The following STK33 variants were observed in gnomAD, a reference collection of about 807,000 sequenced individuals.
STK33 encodes serine/threonine kinase 33.
A neutral mutation model predicts 58.0 loss-of-function variants in STK33; 52 were observed. The observed-to-expected ratio is 0.90, with a 90% CI of 0.72 to 1.13. STK33 has a LOEUF of 1.13. STK33 is among the 50% of genes most tolerant of loss of function. STK33 has a pLI of 0.00. For synonymous variants in STK33, 215 were observed against 200.1 expected (o/e 1.07, Z -0.63); for missense variants, 630 against 604.2 (o/e 1.04, Z -0.45).
At chr11:8,471,560 T>A (rs759630237) in intron 6 of STK33, among the ~76,000 whole-genome samples, 3 of 152,152 alleles carry the variant, frequency 2.0e-5, no homozygotes, top group Non-Finnish European at 4.4e-5. Flanking sequence ...ATAGTAGCTA[T>A]GTAAGGGTAA....
chr11:8,541,409 C>G lies in STK33; in HGVS notation c.-466+52674G>C, dbSNP rs374628958. Among the ~76,000 whole-genome samples the G allele has an allele frequency of 5.3e-5, 8 of 152,268 alleles. No homozygotes were observed. The East Asian group carries it at 9.6e-4, about 18-fold the overall frequency. ...CTATTGTCCAGGTAGACTTTCATTT[C>G]ACCCAGACCACGGTTTTATACAAAG... On this transcript the variant is annotated intron_variant, in intron 1 of 15. Transcript: ENST00000687296.
the STK33 span, among the ~76,000 whole-genome samples, chr11:8,377,595 A>G: frequency 1.3e-5 from 2 of 152,218 alleles, no homozygotes; most frequent in African/African-American, 4.8e-5. Context: ...ACTTCTATTC[A>G]ATATAGTACT....
the STK33 span, among the ~76,000 whole-genome samples, chr11:8,342,094 A>G: frequency 6.6e-6 from 1 of 152,194 alleles, no homozygotes; most frequent in Admixed American, 6.5e-5. Context: ...CAGTCAGTCC[A>G]CGGAGGCGAT....
chr11:8,419,280 A>G (rs1435596240), intron 14 of STK33, among the ~76,000 whole-genome samples: 2 of 152,206 alleles, frequency 1.3e-5, no homozygotes, highest in Admixed American at 6.5e-5. Flanking sequence ...AAAGGGGTCC[A>G]GTTTTAATCT....
the STK33 span, among the ~76,000 whole-genome samples, chr11:8,386,113 A>G: frequency 6.6e-6 from 1 of 152,330 alleles, no homozygotes. Context: ...AACTCTGTCC[A>G]TGCTGGTGCC....
At chr11:8,384,194 T>C in the STK33 span, among the ~76,000 whole-genome samples, 8 of 130,794 alleles carry the variant, frequency 6.1e-5, no homozygotes, top group Non-Finnish European at 1.4e-4. Context: ...TAGTTTTTAG[T>C]ATTAATCTGT....
chr11:8,537,070 T>C (rs567024980), intron 1 of STK33, among the ~76,000 whole-genome samples: 13 of 123,254 alleles, frequency 1.1e-4, no homozygotes, highest in African/African-American at 3.9e-4. Context: ...AACCTCTGCC[T>C]CCTGGGTTCA....
At chr11:8,457,852 A>T (rs529263663) in intron 8 of STK33, among the ~76,000 whole-genome samples, 8 of 152,358 alleles carry the variant, frequency 5.3e-5, no homozygotes, top group Admixed American at 2.6e-4. Context: ...AAGAATAGGC[A>T]GAGCACATGG....
chr11:8,432,534 T>C (rs1420517952), intron 14 of STK33, among the ~76,000 whole-genome samples: 1 of 152,178 alleles, frequency 6.6e-6, no homozygotes, highest in Non-Finnish European at 1.5e-5. Flanking sequence ...TTCCATTCCC[T>C]TAAATGTACA....
chr11:8,398,296 G>T (rs1360616400), intron 15 of STK33, among the ~76,000 whole-genome samples: 1 of 152,142 alleles, frequency 6.6e-6, no homozygotes. Context: ...AAGACAGTGG[G>T]GGCCAATATT....
rs551629890 is a variant in STK33 at position 8,439,869 on chromosome 11, TTA to T, written c.947+807_947+808del. 5.3e-4 allele frequency among the ~76,000 whole-genome samples: 57 copies of T among 107,234 alleles called. 1 individual carries two copies. Among genetic ancestry groups the T allele is most frequent in the South Asian group, 1.1e-3 (3 of 2,788 alleles). 70.3% of individuals were successfully genotyped at this position (107,234 alleles called of 152,430 possible). A position where few individuals can be genotyped will look rare whatever the true frequency, so the allele number is the denominator to read the frequency against. The stretch of plus-strand genomic sequence containing the variant: ...AGATTACATATATATTATATTATAA[TTA>T]TATATATATATATATCAGAGGCTTT... On this transcript the variant is annotated intron_variant, in intron 12 of 15. Coordinates refer to ENST00000687296, the MANE Select transcript of STK33 (RefSeq NM_001352389.2).
Position 8,553,199 on chromosome 11 carries a change from G to GATATA in STK33, c.-466+40883_-466+40884insTATAT, listed in dbSNP as rs1565347544. Among the ~76,000 whole-genome samples the GATATA allele has an allele frequency of 2.8e-3, 169 of 60,896 alleles. 1 individual carries two copies. Among genetic ancestry groups the GATATA allele is most frequent in the Middle Eastern group, 9.6e-3 (1 of 104 alleles). The allele number at this position is 60,896 out of a possible 152,430, so 40.0% of individuals were successfully genotyped here. On this transcript the variant is annotated intron_variant, in intron 1 of 15. Transcript: ENST00000687296. Reference sequence around the variant, plus strand: ...ATATATATATATATATATATATATGGTGTATATATATATATATATATATAT... The same window carrying GATATA: ...ATATATATATATATATATATATATGGATATATGTATATATATATATATATATATAT...
At chr11:8,396,456 C>G (rs906314308) in intron 15 of STK33, among the ~76,000 whole-genome samples, 1 of 152,322 alleles carries the variant, frequency 6.6e-6, no homozygotes, top group Admixed American at 6.5e-5. Context: ...GTTCAGAAAG[C>G]AGAATCCTAA....
chr11:8,436,879 G>A (rs1301390528), intron 12 of STK33, among the ~76,000 whole-genome samples: 4 of 152,066 alleles, frequency 2.6e-5, no homozygotes, highest in Non-Finnish European at 5.9e-5. Context: ...TGTATTTTTA[G>A]TACAGACAGG....
At chr11:8,463,170 G>A (rs1947776966) in intron 7 of STK33, among the ~76,000 whole-genome samples, 1 of 152,138 alleles carries the variant, frequency 6.6e-6, no homozygotes, top group African/African-American at 2.4e-5. Flanking sequence ...TTAACCTAGA[G>A]CAGCAGTCCC....
chr11:8,547,662 C>A (rs895411837), intron 1 of STK33, among the ~76,000 whole-genome samples: 2 of 152,104 alleles, frequency 1.3e-5, no homozygotes, highest in Non-Finnish European at 2.9e-5. Context: ...TATTTTCTTC[C>A]ATTCTGTAGG....
intron 1 of STK33, among the ~76,000 whole-genome samples, chr11:8,493,196 G>A (rs999261040): frequency 4.0e-5 from 6 of 151,884 alleles, no homozygotes; most frequent in South Asian, 4.2e-4. Flanking sequence ...TTGATGGACC[G>A]CTAGCAAGAC....
chr11:8,582,984 T>C (rs1315778311), intron 1 of STK33, among the ~76,000 whole-genome samples: 3 of 152,210 alleles, frequency 2.0e-5, no homozygotes, highest in Non-Finnish European at 4.4e-5. Flanking sequence ...GACATGGACA[T>C]TGTTTAAAGT....
intron 1 of STK33, among the ~76,000 whole-genome samples, chr11:8,580,168 A>T (rs964268285): frequency 5.9e-5 from 9 of 152,142 alleles, no homozygotes; most frequent in African/African-American, 2.2e-4. Flanking sequence ...TTGCAATCCC[A>T]TGTTTGCTGC....
Sources: gnomAD v4.1 joint callset for allele counts (sites outside exome capture counted in the v4.1 genomes callset) on GRCh38, gnomAD v4.1.1 for gene constraint, MANE v1.5 for transcripts, NCBI Gene and HGNC (gene_info 2026-07-23, HGNC 2026-07-21) for gene names.